Variants in STARD10 observed in about 807,000 individuals in gnomAD.
The protein encoded by STARD10 is StAR related lipid transfer domain containing 10.
Under a neutral mutation model 36.0 loss-of-function variants are expected in STARD10, and 24 were observed. The ratio of observed to expected loss-of-function variants is 0.67; its 90% CI spans 0.48 to 0.94. The LOEUF (loss-of-function observed/expected upper bound fraction) is 0.94, where lower values mean the gene tolerates loss of function less well. STARD10 is among the 40% of genes least tolerant of loss of function. The pLI, the probability that STARD10 is intolerant of heterozygous loss-of-function variation, is 0.00. For missense variants in STARD10, 335 were observed against 396.6 expected, an observed-to-expected ratio of 0.84 and a Z score of 1.32; for synonymous variants, 156 against 161.9, an observed-to-expected ratio of 0.96 and a Z score of 0.28.
At chr11:72,778,045 C>T (rs1249466753) in intron 2 of STARD10, among the ~76,000 whole-genome samples, 1 of 152,212 alleles carries the variant, frequency 6.6e-6, no homozygotes, top group Non-Finnish European at 1.5e-5. Flanking sequence ...TCCAGACCTG[C>T]TGGGTGACCT....
chr11:72,792,181 C>G (rs964386067), intron 1 of STARD10, among the ~76,000 whole-genome samples: 1 of 151,632 alleles, frequency 6.6e-6, no homozygotes, highest in Non-Finnish European at 1.5e-5. Flanking sequence ...TCCCGAGTAG[C>G]TGGGACTACA....
Position 72,754,822 on chromosome 11 carries a change from G to A in STARD10, c.*75C>T, listed in dbSNP as rs1423082571. The A allele has an allele frequency of 2.6e-6, 4 of 1,541,920 alleles. No homozygotes were observed. The South Asian group carries it at 4.8e-5, about 18-fold the overall frequency. Reference sequence around the variant, plus strand: ...GTGCCACCAGGTGCCGGGTGGGGGAGGGGAGAAAGTGCAGGAGCGGCCGCC... The same window carrying A: ...GTGCCACCAGGTGCCGGGTGGGGGAAGGGAGAAAGTGCAGGAGCGGCCGCC... On this transcript the variant is annotated 3_prime_UTR_variant, in exon 7 of 7. Coordinates refer to ENST00000334805, the MANE Select transcript of STARD10 (RefSeq NM_006645.3).
At chr11:72,770,229 T>G (rs1160316778) in intron 2 of STARD10, among the ~76,000 whole-genome samples, 1 of 151,824 alleles carries the variant, frequency 6.6e-6, no homozygotes, top group Non-Finnish European at 1.5e-5. Flanking sequence ...AAAAGAATTA[T>G]TTTTTTTGAG....
chr11:72,767,661 G>C (rs1591266230), intron 2 of STARD10, among the ~76,000 whole-genome samples: 1 of 152,184 alleles, frequency 6.6e-6, no homozygotes, highest in Non-Finnish European at 1.5e-5. Flanking sequence ...CCTGACCCAA[G>C]TTCCAGATTT....
intron 1 of STARD10, among the ~76,000 whole-genome samples, chr11:72,784,030 C>T (rs969066114): frequency 2.0e-5 from 3 of 152,174 alleles, no homozygotes; most frequent in East Asian, 1.9e-4. Context: ...CAGGCTACCT[C>T]GCCAGCAGGT....
intron 1 of STARD10, among the ~76,000 whole-genome samples, chr11:72,782,739 G>A (rs750823863): frequency 6.6e-6 from 1 of 152,124 alleles, no homozygotes; most frequent in Non-Finnish European, 1.5e-5. Context: ...GCTCCCCCCT[G>A]CCCCCTGGGT....
chr11:72,790,661 G>A (rs775365224), intron 1 of STARD10, among the ~76,000 whole-genome samples: 9 of 152,242 alleles, frequency 5.9e-5, no homozygotes, highest in Non-Finnish European at 2.9e-5. Context: ...GCCAGAAAGA[G>A]CCCAGGATCT....
intron 2 of STARD10, among the ~76,000 whole-genome samples, chr11:72,764,740 G>A (rs563842422): frequency 6.6e-6 from 1 of 152,350 alleles, no homozygotes; most frequent in Admixed American, 6.5e-5. Context: ...GAGAGCACCA[G>A]GTGGGCGGGC....
rs1858678853 is a variant in STARD10 at position 72,758,609 on chromosome 11, T to C, written c.380A>G (p.Asn127Ser). Residue 127 changes from asparagine (N) to serine (S), a missense_variant, in exon 4 of 7, where the codon AAC becomes AGC. Physicochemically the swap from Asn to Ser is conservative, Grantham distance 46. Transcript: ENST00000334805. ...YSWRCPKPLK[N>S]RDVITLRSWL... ...GGAGCGGAGGGTGATGACATCACGG[T>C]TCTTCAGGGGCTTGGGACACCTCCC... The C allele has an allele frequency of 1.2e-6, 2 of 1,613,878 alleles. No individual in the cohort carries two copies. The highest frequency in any genetic ancestry group is 1.7e-6 in the Non-Finnish European group (2 of 1,179,938).
intron 2 of STARD10, among the ~76,000 whole-genome samples, chr11:72,763,056 G>A (rs1858741396): frequency 6.6e-6 from 1 of 152,132 alleles, no homozygotes; most frequent in South Asian, 2.1e-4. Context: ...TCTTCCCCTG[G>A]CACAGTGGCC....
intron 2 of STARD10, among the ~76,000 whole-genome samples, chr11:72,778,082 T>G (rs1858948948): frequency 6.6e-6 from 1 of 152,208 alleles, no homozygotes. Flanking sequence ...TTTGTGGGCC[T>G]CGGCTTTCTC....
intron 2 of STARD10, among the ~76,000 whole-genome samples, chr11:72,775,452 G>C (rs1397913595): frequency 6.6e-6 from 1 of 152,118 alleles, no homozygotes; most frequent in Non-Finnish European, 1.5e-5. Flanking sequence ...AGCCTGCACT[G>C]AACCACCTCC....
At chr11:72,770,997 TGGCTCTGTGCCA>T (rs1422604910) in intron 2 of STARD10, among the ~76,000 whole-genome samples, 2 of 152,232 alleles carry the variant, frequency 1.3e-5, no homozygotes, top group African/African-American at 4.8e-5. Context: ...GGATGGTGTG[TGGCTCTGTGCCA>T]GGCTCTGTGC....
At chr11:72,767,215 A>G (rs550327714) in intron 2 of STARD10, among the ~76,000 whole-genome samples, 10 of 152,130 alleles carry the variant, frequency 6.6e-5, no homozygotes, top group Non-Finnish European at 1.5e-4. Flanking sequence ...AACCATTACC[A>G]TTGCTCGAAA....
At chr11:72,779,106 C>T (rs1858960053) in intron 2 of STARD10, among the ~76,000 whole-genome samples, 1 of 152,188 alleles carries the variant, frequency 6.6e-6, no homozygotes, top group African/African-American at 2.4e-5. Context: ...GGTGGGAGTA[C>T]TGGCCTCAGT....
Position 72,781,113 on chromosome 11 carries a change from C to T in STARD10, c.69G>A (p.Gln23=). Residue 23 remains glutamine (Q), a synonymous_variant, in exon 2 of 7, where the codon CAG becomes CAA. Transcript: ENST00000334805. This position sits in a 1 kb window ranked among gnomAD's most constrained non-coding sequence, Gnocchi z 4.7. ...PRPVLGRESV[Q]VPDDQDFRSF... Reference sequence around the variant, plus strand: ...TGCGAAAGTCTTGGTCATCGGGCACCTGGACACTCTCACGGCCCAGGACCG... The same window carrying T: ...TGCGAAAGTCTTGGTCATCGGGCACTTGGACACTCTCACGGCCCAGGACCG... The T allele has an allele frequency of 1.2e-6, 2 of 1,613,906 alleles. No individual in the cohort carries two copies. The highest frequency in any genetic ancestry group is 8.5e-7 in the Non-Finnish European group (1 of 1,180,034).
intron 1 of STARD10, among the ~76,000 whole-genome samples, chr11:72,785,032 G>A (rs888896201): frequency 4.6e-5 from 7 of 152,142 alleles, no homozygotes; most frequent in Non-Finnish European, 7.3e-5. Flanking sequence ...TCCTGCAACC[G>A]GGGAAGGGAG....
intron 2 of STARD10, among the ~76,000 whole-genome samples, chr11:72,764,287 T>C (rs1431066314): frequency 6.6e-6 from 1 of 152,124 alleles, no homozygotes; most frequent in Non-Finnish European, 1.5e-5. Flanking sequence ...AGAGCAGGGC[T>C]GTTGAGGCTC....
chr11:72,780,218 C>T, intron 2 of STARD10: 1 of 432,554 alleles, frequency 2.3e-6, no homozygotes, highest in Non-Finnish European at 4.7e-6. Flanking sequence ...CCCAGGGTCC[C>T]AAACCCCAAG....
Sources: allele counts gnomAD v4.1 joint callset (sites outside exome capture counted in the v4.1 genomes callset), GRCh38; gene constraint gnomAD v4.1.1; non-coding constraint Gnocchi (gnomAD v3.1); transcripts MANE v1.5; gene names NCBI Gene and HGNC (gene_info 2026-07-23, HGNC 2026-07-21).